FCRL1: variants seen among roughly 807,000 people sequenced by gnomAD.
FCRL1 encodes Fc receptor like 1.
FCRL1 carries 34 observed loss-of-function variants against 49.2 expected under a neutral mutation model. The ratio of observed to expected loss-of-function variants is 0.69; its 90% CI spans 0.53 to 0.92. The LOEUF is 0.92. Among genes scored for constraint, FCRL1 ranks in the 40% least tolerant of loss-of-function variants. The pLI, the probability that FCRL1 is intolerant of heterozygous loss-of-function variation, is 0.00. For synonymous variants in FCRL1, 218 were observed against 201.6 expected, an observed-to-expected ratio of 1.08 and a Z score of -0.69; for missense variants, 524 against 524.1, an observed-to-expected ratio of 1.00 and a Z score of 0.00.
intron 10 of FCRL1, among the ~76,000 whole-genome samples, chr1:157,796,709 T>C (rs1461476923): frequency 6.6e-6 from 1 of 152,248 alleles, no homozygotes; most frequent in Non-Finnish European, 1.5e-5. Flanking sequence ...CAAATTACTA[T>C]TAGCTTAGGT....
intron 1 of FCRL1, among the ~76,000 whole-genome samples, chr1:157,807,524 C>T (rs776106410): frequency 9.2e-5 from 14 of 152,292 alleles, no homozygotes; most frequent in South Asian, 2.1e-4. Context: ...CCATTCCCAC[C>T]GCCTCCTTTC....
At chr1:157,814,584 T>C (rs1055592133) in intron 1 of FCRL1, among the ~76,000 whole-genome samples, 8 of 151,632 alleles carry the variant, frequency 5.3e-5, no homozygotes, top group Non-Finnish European at 1.2e-4. Flanking sequence ...TAGAAAACAC[T>C]CAACAAAATG....
rs1651415174 is a variant in FCRL1, at chr1:157,796,059, G to A, written c.*40C>T. The A allele has an allele frequency of 6.5e-7, 1 of 1,543,558 alleles. No individual in the cohort carries two copies. The stretch of plus-strand genomic sequence containing the variant: ...AGAACATATCAGGCCTGAGGCTTGG[G>A]GTCATGGATGGTTTTCAAAGAGCAG... On this transcript the variant is annotated 3_prime_UTR_variant, in exon 11 of 11. Coordinates refer to ENST00000368176, the MANE Select transcript of FCRL1 (RefSeq NM_052938.5).
intron 2 of FCRL1, among the ~76,000 whole-genome samples, chr1:157,804,453 C>T (rs886396527): frequency 5.9e-5 from 9 of 152,162 alleles, no homozygotes; most frequent in Admixed American, 5.2e-4. Flanking sequence ...TTACTGGAGT[C>T]GGCATTGGAG....
intron 7 of FCRL1, 93 bp downstream of exon 7, chr1:157,799,964 CG>C: frequency 8.7e-7 from 1 of 1,154,914 alleles, no homozygotes; most frequent in African/African-American, 1.6e-5. Context: ...ATAATAAAGC[CG>C]GAAAAAAAAT....
intron 1 of FCRL1, among the ~76,000 whole-genome samples, chr1:157,816,795 AG>A (rs1240425239): frequency 1.4e-5 from 2 of 143,870 alleles, no homozygotes; most frequent in African/African-American, 5.8e-5. Flanking sequence ...ATAGATAGAT[AG>A]ATAGATAGAT....
At chr1:157,811,900 A>AG (rs1388532835) in intron 1 of FCRL1, among the ~76,000 whole-genome samples, 1 of 152,190 alleles carries the variant, frequency 6.6e-6, no homozygotes, top group African/African-American at 2.4e-5. Context: ...ACCTAGGCTC[A>AG]GGGGGACAGC....
chr1:157,801,898 C>T lies in FCRL1; in HGVS notation c.886+17G>A. 3 of 1,604,480 alleles carry T rather than the reference C, an allele frequency of 1.9e-6. No homozygotes were observed. Among genetic ancestry groups the T allele is most frequent in the East Asian group, 2.2e-5 (1 of 44,834 alleles). On this transcript the variant is annotated intron_variant, in intron 5 of 10. Transcript: ENST00000368176. Reference sequence around the variant, plus strand: ...AAGGAGACATTGACCAAGACAGTTCCATAGCCTGAGCTATACCTGTGAAGT... The same window carrying T: ...AAGGAGACATTGACCAAGACAGTTCTATAGCCTGAGCTATACCTGTGAAGT...
chr1:157,814,340 T>C (rs1654743235), intron 1 of FCRL1, among the ~76,000 whole-genome samples: 1 of 152,018 alleles, frequency 6.6e-6, no homozygotes, highest in Admixed American at 6.5e-5. Context: ...ATATAAATAA[T>C]GGCGGCAATG....
intron 1 of FCRL1, among the ~76,000 whole-genome samples, chr1:157,813,376 G>T (rs538172352): frequency 7.2e-5 from 11 of 152,034 alleles, no homozygotes; most frequent in African/African-American, 2.7e-4. Context: ...GACCTAAACA[G>T]GAAATTTGAA....
intron 1 of FCRL1, 123 bp downstream of exon 1, chr1:157,819,884 G>T: frequency 8.9e-7 from 1 of 1,128,412 alleles, no homozygotes; most frequent in Non-Finnish European, 1.3e-6. Context: ...TGGAAGTGGA[G>T]ATCTGAGCAC....
intron 2 of FCRL1, chr1:157,806,763 C>T (rs528587253): frequency 4.6e-6 from 1 of 218,700 alleles, no homozygotes; most frequent in South Asian, 1.4e-4. Context: ...GACAGAGATG[C>T]TTCTAGCATG....
chr1:157,811,496 CT>C (rs1285887876), intron 1 of FCRL1, among the ~76,000 whole-genome samples: 1 of 152,224 alleles, frequency 6.6e-6, no homozygotes, highest in African/African-American at 2.4e-5. Flanking sequence ...CCCATTATAT[CT>C]GTGGACACCA....
At chr1:157,801,679 G>T in intron 5 of FCRL1, 102 bp from the exon 6 acceptor site, 1 of 921,966 alleles carries the variant, frequency 1.1e-6, no homozygotes, top group Non-Finnish European at 1.7e-6. Flanking sequence ...GCTCTTCCAA[G>T]TGGGGATTTA....
Position 157,801,323 on chromosome 1 carries a change from C to G in FCRL1, c.1003+138G>C, listed in dbSNP as rs149636746. The G allele has an allele frequency of 5.9e-6, 4 of 676,116 alleles. No individual in the cohort carries two copies. In the Admixed American group the frequency reaches 6.9e-5, roughly 12 times the overall value. 41.9% of individuals were successfully genotyped at this position (676,116 alleles called of 1,614,324 possible). On this transcript the variant is annotated intron_variant, in intron 6 of 10. Transcript: ENST00000368176. ...TGTATTAATAGGCACTGTTCCTACC[C>G]GCTGGCTTTGTGGGCAGAAACATAG...
chr1:157,812,275 G>A lies in FCRL1; in HGVS notation c.32-5153C>T, dbSNP rs528806717. The stretch of plus-strand genomic sequence containing the variant: ...CTTGGTGTGATGGTGTGATATTGGG[G>A]AGTGAACCCAATATTGCACTGTTCC... On this transcript the variant is annotated intron_variant, in intron 1 of 10. Coordinates refer to ENST00000368176, the MANE Select transcript of FCRL1 (RefSeq NM_052938.5). Among the ~76,000 whole-genome samples, 12 of 152,246 alleles carry A rather than the reference G, an allele frequency of 7.9e-5. 1 individual carries two copies. In the East Asian group the frequency reaches 2.3e-3, roughly 29 times the overall value.
chr1:157,814,503 C>CA (rs1654770343), intron 1 of FCRL1, among the ~76,000 whole-genome samples: 1 of 151,670 alleles, frequency 6.6e-6, no homozygotes, highest in Non-Finnish European at 1.5e-5. Flanking sequence ...CCTAGCACTA[C>CA]AAAAAATCCA....
intron 1 of FCRL1, among the ~76,000 whole-genome samples, chr1:157,819,722 T>C (rs906333919): frequency 2.6e-5 from 4 of 152,170 alleles, no homozygotes; most frequent in Non-Finnish European, 5.9e-5. Context: ...TTTTGGCAGC[T>C]GTTGAAAACA....
rs750078075 is a variant in FCRL1, at chr1:157,802,087, G to A, written c.714C>T (p.Ile238=). The stretch of plus-strand genomic sequence containing the variant: ...TATCCTCGTGATAAAACCAGTACAG[G>A]ATCGGAGGAGAGCCTCTCAGGGCCT... ...HCEALRGSPP[I]LYWFYHEDIT... is the part of the protein sequence containing the mutation. The change falls in exon 5 of 11, where the codon ATC becomes ATT. Residue 238 remains isoleucine (I), a synonymous_variant. Coordinates refer to ENST00000368176, the MANE Select transcript of FCRL1 (RefSeq NM_052938.5). 2 of 1,614,184 alleles carry A rather than the reference G, an allele frequency of 1.2e-6. No individual in the cohort carries two copies. Among genetic ancestry groups the A allele is most frequent in the Non-Finnish European group, 1.7e-6 (2 of 1,180,024 alleles).
Sources: gnomAD v4.1 joint callset for allele counts (sites outside exome capture counted in the v4.1 genomes callset) on GRCh38, gnomAD v4.1.1 for gene constraint, MANE v1.5 for transcripts, NCBI Gene and HGNC (gene_info 2026-07-23, HGNC 2026-07-21) for gene names.